Variants in C10orf67 observed in about 807,000 individuals in gnomAD.
C10orf67 encodes chromosome 10 open reading frame 67.
C10orf67 carries 60 observed loss-of-function variants against 35.6 expected under a neutral mutation model. The ratio of observed to expected loss-of-function variants is 1.68; its 90% confidence interval spans 1.37 to 2.09. C10orf67 has a LOEUF of 2.09. Ranked by LOEUF, C10orf67 falls within the 30% of genes most tolerant of loss-of-function variation. The pLI is 0.00. For synonymous variants in C10orf67, 167 were observed against 115.8 expected (o/e 1.44, Z -2.84); for missense variants, 474 against 330.2 (o/e 1.44, Z -3.38).
At chr10:23,273,753 T>C (rs1279282629) in intron 8 of C10orf67, among the ~76,000 whole-genome samples, 1 of 152,216 alleles carries the variant, frequency 6.6e-6, no homozygotes, top group Non-Finnish European at 1.5e-5. Flanking sequence ...GAAATCCAAC[T>C]AGGCATATAT....
chr10:23,289,451 A>G (rs957858997), intron 7 of C10orf67, among the ~76,000 whole-genome samples: 2 of 152,204 alleles, frequency 1.3e-5, no homozygotes, highest in Admixed American at 6.5e-5. Flanking sequence ...GGTGTGAACC[A>G]CTGCGCCCCA....
chr10:23,308,739 A>G (rs1443727927), intron 4 of C10orf67, among the ~76,000 whole-genome samples: 1 of 152,190 alleles, frequency 6.6e-6, no homozygotes, highest in Admixed American at 6.5e-5. Flanking sequence ...CAGTGTTATC[A>G]TTTGTAAAAT....
intron 13 of C10orf67, among the ~76,000 whole-genome samples, chr10:23,234,717 A>T (rs1482726794): frequency 3.3e-5 from 5 of 152,078 alleles, no homozygotes; most frequent in South Asian, 2.1e-4. Flanking sequence ...GGCTAAAAAA[A>T]AAAAAAGGTA....
intron 13 of C10orf67, among the ~76,000 whole-genome samples, chr10:23,224,778 G>C (rs956989585): frequency 2.0e-5 from 3 of 152,190 alleles, no homozygotes; most frequent in Admixed American, 6.6e-5. Context: ...AAAAGTATCA[G>C]TGATTGAAGA....
At chr10:23,309,498 T>A (rs1292610774) in intron 4 of C10orf67, among the ~76,000 whole-genome samples, 1 of 152,202 alleles carries the variant, frequency 6.6e-6, no homozygotes, top group Non-Finnish European at 1.5e-5. Flanking sequence ...TTATGCAATA[T>A]ACCCATGTAA....
chr10:23,210,766 G>T (rs1263377497), intron 15 of C10orf67, among the ~76,000 whole-genome samples: 1 of 152,146 alleles, frequency 6.6e-6, no homozygotes, highest in African/African-American at 2.4e-5. Flanking sequence ...CTTGCTATCT[G>T]CTAGGAAAGT....
chr10:23,204,918 A>C (rs1386768959), intron 15 of C10orf67, among the ~76,000 whole-genome samples: 1 of 152,078 alleles, frequency 6.6e-6, no homozygotes, highest in East Asian at 1.9e-4. Context: ...AGGGGAACAA[A>C]GGCCCTGGGC....
intron 10 of C10orf67, among the ~76,000 whole-genome samples, chr10:23,265,707 T>C (rs1842868859): frequency 6.6e-6 from 1 of 152,208 alleles, no homozygotes; most frequent in Admixed American, 6.5e-5. Flanking sequence ...CACAGTGAGC[T>C]GAGTGTCTCA....
In C10orf67 at chr10:23,241,123, C is replaced by T. The variant is rs117945931; in HGVS notation, c.1347-1307G>A. ...GAAACCTAATGGCGTTATGCTGAAA[C>T]AATTTCAAAATTGTTTGGACTAGTG... On this transcript the variant is annotated intron_variant, in intron 12 of 15. Coordinates refer to ENST00000636213, the MANE Select transcript of C10orf67 (RefSeq NM_001371909.1). Among the ~76,000 whole-genome samples, 564 of 152,320 alleles carry T rather than the reference C, an allele frequency of 3.7e-3. 1 individual carries two copies. The highest frequency in any genetic ancestry group is 5.2e-3 in the Non-Finnish European group (357 of 68,026).
chr10:23,276,059 C>T (rs745330056), intron 8 of C10orf67, among the ~76,000 whole-genome samples: 11 of 152,128 alleles, frequency 7.2e-5, no homozygotes, highest in African/African-American at 1.7e-4. Context: ...GGGTGATTAA[C>T]GATTCTGGTT....
At chr10:23,217,856 AC>A in intron 15 of C10orf67, among the ~76,000 whole-genome samples, 1 of 152,300 alleles carries the variant, frequency 6.6e-6, no homozygotes, top group South Asian at 2.1e-4. Flanking sequence ...ATTAGCCTAA[AC>A]TTTTTTCTAC....
At chr10:23,212,825 C>T (rs891185046) in intron 15 of C10orf67, among the ~76,000 whole-genome samples, 6 of 88,290 alleles carry the variant, frequency 6.8e-5, no homozygotes, top group African/African-American at 1.9e-4. Context: ...GAGAGAGAGA[C>T]GTAAGCATGC....
intron 12 of C10orf67, among the ~76,000 whole-genome samples, chr10:23,243,719 A>C (rs1842242667): frequency 6.6e-6 from 1 of 152,074 alleles, no homozygotes; most frequent in Non-Finnish European, 1.5e-5. Context: ...ATTCTTTTCA[A>C]GAATAAAAAC....
chr10:23,311,540 C>T (rs1386648998), intron 4 of C10orf67, among the ~76,000 whole-genome samples: 2 of 152,006 alleles, frequency 1.3e-5, no homozygotes, highest in Non-Finnish European at 2.9e-5. Context: ...GGAGAAACCC[C>T]GTCTCTACTA....
In C10orf67 at chr10:23,307,972, A is replaced by G. The variant is rs530096061; in HGVS notation, c.547-4513T>C. Among the ~76,000 whole-genome samples the G allele has an allele frequency of 5.8e-4, 88 of 152,258 alleles. No individual in the cohort carries two copies. The Middle Eastern group carries it at 0.031, about 53-fold the overall frequency. ...TTATGTATATCTAGTCTTTACATCTATTCTTACATATGTCTACAGCTCAAA... is the reference window on the plus strand; with the variant it reads ...TTATGTATATCTAGTCTTTACATCTGTTCTTACATATGTCTACAGCTCAAA... On this transcript the variant is annotated intron_variant, in intron 4 of 15. Coordinates refer to ENST00000636213, the MANE Select transcript of C10orf67 (RefSeq NM_001371909.1).
intron 10 of C10orf67, among the ~76,000 whole-genome samples, chr10:23,252,090 A>T (rs778164200): frequency 9.9e-5 from 15 of 152,220 alleles, no homozygotes; most frequent in Non-Finnish European, 1.8e-4. Flanking sequence ...CTTTCAAAAA[A>T]ATCCTATTAG....
At chr10:23,315,090 G>C (rs1344745194) in intron 4 of C10orf67, among the ~76,000 whole-genome samples, 1 of 152,192 alleles carries the variant, frequency 6.6e-6, no homozygotes, top group Non-Finnish European at 1.5e-5. Context: ...TGGGCGGCCA[G>C]GATCTGGAAG....
At chr10:23,274,116 A>G (rs1843109654) in intron 8 of C10orf67, among the ~76,000 whole-genome samples, 1 of 152,118 alleles carries the variant, frequency 6.6e-6, no homozygotes, top group Non-Finnish European at 1.5e-5. Flanking sequence ...CAGTGTACGA[A>G]TAGGGAGTGG....
At chr10:23,288,519 A>G (rs1843613171) in intron 7 of C10orf67, among the ~76,000 whole-genome samples, 1 of 152,196 alleles carries the variant, frequency 6.6e-6, no homozygotes, top group Admixed American at 6.5e-5. Context: ...CAATAGGTGC[A>G]ACAAACCACC....
Sources: gnomAD v4.1 joint callset for allele counts (sites outside exome capture counted in the v4.1 genomes callset) on GRCh38, gnomAD v4.1.1 for gene constraint, MANE v1.5 for transcripts, NCBI Gene and HGNC (gene_info 2026-07-23, HGNC 2026-07-21) for gene names.